Variants in IFITM3 observed in about 807,000 individuals in gnomAD.
The protein encoded by IFITM3 is interferon induced transmembrane protein 3, also known as interferon-induced transmembrane protein 3.
A neutral mutation model predicts 5.2 loss-of-function variants in IFITM3; 5 were observed. That is an observed-to-expected ratio of 0.96 (90% CI 0.50 to 2.03). IFITM3 has a LOEUF of 2.03. Among genes scored for constraint, IFITM3 ranks in the 30% most tolerant of loss-of-function variants. The pLI, the probability that IFITM3 is intolerant of heterozygous loss-of-function variation, is 0.01. For synonymous variants in IFITM3, 81 were observed against 77.6 expected (o/e 1.04, Z -0.23); for missense variants, 156 against 177.3 (o/e 0.88, Z 0.68).
At position 320,322 on chromosome 11, in the gene IFITM3, G is replaced by A; in HGVS notation, c.249+243C>T. On this transcript the variant is annotated intron_variant, in intron 1 of 1. Transcript: ENST00000399808. ...CTGGGCTAGTGGATAGCCGGGGACA[G>A]ACTCTGAGCCAGCCAGCCAGCCTCC... 4.0e-6 allele frequency: 3 copies of A among 757,322 alleles called. No homozygotes were observed. The South Asian group carries it at 4.6e-5, about 12-fold the overall frequency. The allele number at this position is 757,322 out of a possible 1,614,324, so 46.9% of individuals were successfully genotyped here.
Position 319,718 on chromosome 11 carries a change from C to T in IFITM3, c.*120G>A, listed in dbSNP as rs781384761. ...TTTATTGAATGCCATTGTAGAAAAGCGTGTGAGGATAAAGGGCTGATACAG... is the reference window on the plus strand; with the variant it reads ...TTTATTGAATGCCATTGTAGAAAAGTGTGTGAGGATAAAGGGCTGATACAG... On this transcript the variant is annotated 3_prime_UTR_variant, in exon 2 of 2. Transcript: ENST00000399808. The T allele has an allele frequency of 2.5e-5, 32 of 1,264,144 alleles. No individual in the cohort carries two copies. In the South Asian group the frequency reaches 2.6e-4, roughly 10 times the overall value. The allele number at this position is 1,264,144 out of a possible 1,614,324, so 78.3% of individuals were successfully genotyped here. A position where few individuals can be genotyped will look rare whatever the true frequency, so the allele number is the denominator to read the frequency against.
In IFITM3 at chr11:320,837, G is replaced by A. The variant is rs756091356; in HGVS notation, c.-24C>T. 1.3e-5 allele frequency: 21 copies of A among 1,588,530 alleles called. No homozygotes were observed. The highest frequency in any genetic ancestry group is 1.0e-4 in the South Asian group (9 of 89,454). Reference sequence around the variant, plus strand: ...ATGGTGTCCAGCGAAGACCAGCGGCGGTCGGGTTACTGGGATGGTTCTCAG... The same window carrying A: ...ATGGTGTCCAGCGAAGACCAGCGGCAGTCGGGTTACTGGGATGGTTCTCAG... On this transcript the variant is annotated 5_prime_UTR_variant, in exon 1 of 2. Transcript: ENST00000399808.
chr11:319,708 T>A lies in IFITM3; in HGVS notation c.*130A>T. ...ACACGTGCACTTTATTGAATGCCATTGTAGAAAAGCGTGTGAGGATAAAGG... is the reference window on the plus strand; with the variant it reads ...ACACGTGCACTTTATTGAATGCCATAGTAGAAAAGCGTGTGAGGATAAAGG... On this transcript the variant is annotated 3_prime_UTR_variant, in exon 2 of 2. Coordinates refer to ENST00000399808, the MANE Select transcript of IFITM3 (RefSeq NM_021034.3). 8 of 1,194,530 alleles carry A rather than the reference T, an allele frequency of 6.7e-6. No individual in the cohort carries two copies. The highest frequency in any genetic ancestry group is 9.8e-6 in the Non-Finnish European group (8 of 812,964). 74.0% of individuals were successfully genotyped at this position (1,194,530 alleles called of 1,614,324 possible).
In IFITM3 at chr11:319,718, CG is replaced by C. The variant is rs1564851430; in HGVS notation, c.*119del. The C allele has an allele frequency of 7.9e-7, 1 of 1,264,262 alleles. No homozygotes were observed. The highest frequency in any genetic ancestry group is 1.8e-5 in the Admixed American group (1 of 55,036). 78.3% of individuals were successfully genotyped at this position (1,264,262 alleles called of 1,614,324 possible). On this transcript the variant is annotated 3_prime_UTR_variant, in exon 2 of 2. Coordinates refer to ENST00000399808, the MANE Select transcript of IFITM3 (RefSeq NM_021034.3). ...TTTATTGAATGCCATTGTAGAAAAG[CG>C]TGTGAGGATAAAGGGCTGATACAGG...
chr11:320,394 C>T (rs6421983), intron 1 of IFITM3, 171 bp downstream of exon 1: 457,607 of 1,135,366 alleles, frequency 0.4, 102,999 homozygotes, highest in Non-Finnish European at 0.48. Flanking sequence ...CCAAGCCACA[C>T]ACACACACAG....
chr11:319,896 A>C lies in IFITM3; in HGVS notation c.344T>G (p.Ile115Ser). The change falls in exon 2 of 2, where the codon ATC (isoleucine) becomes AGC (serine). Residue 115 changes from isoleucine to serine, a missense_variant. Transcript: ENST00000399808. ...CLNIWALILG[I>S]LMTILLIVIP... Reference sequence around the variant, plus strand: ...GACGATGAGCAGAATGGTCATGAGGATGCCCAGAATCAGGGCCCAGATGTT... The same window carrying C: ...GACGATGAGCAGAATGGTCATGAGGCTGCCCAGAATCAGGGCCCAGATGTT... The C allele has an allele frequency of 3.1e-6, 5 of 1,614,164 alleles. No individual in the cohort carries two copies. Among genetic ancestry groups the C allele is most frequent in the Non-Finnish European group, 4.2e-6 (5 of 1,180,010 alleles).
Position 320,833 on chromosome 11 carries a change from C to G in IFITM3, c.-20G>C. The G allele has an allele frequency of 6.3e-7, 1 of 1,594,342 alleles. No individual in the cohort carries two copies. Among genetic ancestry groups the G allele is most frequent in the Non-Finnish European group, 8.6e-7 (1 of 1,165,528 alleles). ...ATTCATGGTGTCCAGCGAAGACCAG[C>G]GGCGGTCGGGTTACTGGGATGGTTC... On this transcript the variant is annotated 5_prime_UTR_variant, in exon 1 of 2. Transcript: ENST00000399808.
rs1466318843 is a variant in IFITM3 at position 319,686 on chromosome 11, C to G, written c.*152G>C. The G allele has an allele frequency of 3.9e-6, 4 of 1,021,490 alleles. No individual in the cohort carries two copies. Among genetic ancestry groups the G allele is most frequent in the East Asian group, 2.6e-5 (1 of 38,976 alleles). The allele number at this position is 1,021,490 out of a possible 1,614,324, so 63.3% of individuals were successfully genotyped here. Reference sequence around the variant, plus strand: ...TGAAGTCGCAGCAGCACCAGAAACACGTGCACTTTATTGAATGCCATTGTA... The same window carrying G: ...TGAAGTCGCAGCAGCACCAGAAACAGGTGCACTTTATTGAATGCCATTGTA... On this transcript the variant is annotated 3_prime_UTR_variant, in exon 2 of 2. Transcript: ENST00000399808.
Position 319,935 on chromosome 11 carries a change from G to A in IFITM3, c.305C>T (p.Thr102Ile). ...DVTGAQAYASTAKCLNIWALI... is the reference protein window; with the variant it reads ...DVTGAQAYASIAKCLNIWALI... ...GGCCCAGATGTTCAGGCACTTGGCG[G>A]TGGAGGCATAGGCCTGGGCCCCGGT... The change falls in exon 2 of 2, where the codon ACC becomes ATC. Residue 102 changes from threonine to isoleucine, a missense_variant. Physicochemically the swap from Thr to Ile is moderately conservative, Grantham distance 89. Coordinates refer to ENST00000399808, the MANE Select transcript of IFITM3 (RefSeq NM_021034.3). 1.2e-6 allele frequency: 2 copies of A among 1,614,130 alleles called. No homozygotes were observed. The highest frequency in any genetic ancestry group is 1.7e-6 in the Non-Finnish European group (2 of 1,180,012).
At position 320,823 on chromosome 11, in the gene IFITM3, C is replaced by G. The variant is rs544327390; in HGVS notation, c.-10G>C. 1.4e-5 allele frequency: 23 copies of G among 1,599,844 alleles called. No individual in the cohort carries two copies. Among genetic ancestry groups the G allele is most frequent in the South Asian group, 3.3e-5 (3 of 90,516 alleles). On this transcript the variant is annotated 5_prime_UTR_variant, in exon 1 of 2. Transcript: ENST00000399808. Reference sequence around the variant, plus strand: ...GGACAGTGTGATTCATGGTGTCCAGCGAAGACCAGCGGCGGTCGGGTTACT... The same window carrying G: ...GGACAGTGTGATTCATGGTGTCCAGGGAAGACCAGCGGCGGTCGGGTTACT...
chr11:320,179 T>C (rs1389622249), intron 1 of IFITM3, 189 bp from the exon 2 acceptor site: 1 of 733,652 alleles, frequency 1.4e-6, no homozygotes, highest in East Asian at 2.7e-5. Context: ...GCACAGGCTG[T>C]TCTCCCCACC....
chr11:319,981 T>G lies in IFITM3; in HGVS notation c.259A>C (p.Arg87=). Residue 87 remains arginine (R), a synonymous_variant, in exon 2 of 2, where the codon AGG becomes CGG. Transcript: ENST00000399808. ...CCGGTCACGTCGCCAACCATCTTCC[T>G]GTCCCTAGACTGGGGGAGAGGAGAT... ...AFAYSVKSRD[R]KMVGDVTGAQ... 2 of 1,613,716 alleles carry G rather than the reference T, an allele frequency of 1.2e-6. No homozygotes were observed. The highest frequency in any genetic ancestry group is 8.5e-7 in the Non-Finnish European group (1 of 1,179,960).
At position 319,749 on chromosome 11, in the gene IFITM3, G is replaced by C. The variant is rs1231518817; in HGVS notation, c.*89C>G. 1.3e-6 allele frequency: 2 copies of C among 1,553,594 alleles called. No homozygotes were observed. Among genetic ancestry groups the C allele is most frequent in the Admixed American group, 1.7e-5 (1 of 59,498 alleles). On this transcript the variant is annotated 3_prime_UTR_variant, in exon 2 of 2. Transcript: ENST00000399808. ...AGGATAAAGGGCTGATACAGGACTC[G>C]GCTCCGGGGGCAGGGCGAGGAATGG...
At position 320,604 on chromosome 11, in the gene IFITM3, G is replaced by A. The variant is rs759705048; in HGVS notation, c.210C>T (p.Pro70=). ...WSLFNTLFMN[P]CCLGFIAFAY... The stretch of plus-strand genomic sequence containing the variant: ...CGAATGCTATGAAGCCCAGGCAGCA[G>A]GGGTTCATGAAGAGGGTGTTGAACA... Residue 70 remains proline (P), a synonymous_variant, in exon 1 of 2, where the codon CCC becomes CCT. Transcript: ENST00000399808. The A allele has an allele frequency of 1.7e-5, 27 of 1,613,910 alleles. No homozygotes were observed. Among genetic ancestry groups the A allele is most frequent in the Non-Finnish European group, 2.0e-5 (24 of 1,179,860 alleles).
rs747172140 is a variant in IFITM3 at position 319,704 on chromosome 11, C to A, written c.*134G>T. The A allele has an allele frequency of 1.5e-5, 17 of 1,157,502 alleles. No homozygotes were observed. The highest frequency in any genetic ancestry group is 1.9e-5 in the Admixed American group (1 of 52,284). The allele number at this position is 1,157,502 out of a possible 1,614,324, so 71.7% of individuals were successfully genotyped here. On this transcript the variant is annotated 3_prime_UTR_variant, in exon 2 of 2. Coordinates refer to ENST00000399808, the MANE Select transcript of IFITM3 (RefSeq NM_021034.3). ...AGAAACACGTGCACTTTATTGAATG[C>A]CATTGTAGAAAAGCGTGTGAGGATA... is the stretch of plus-strand genomic sequence containing the variant.
At position 320,640 on chromosome 11, in the gene IFITM3, G is replaced by A. The variant is rs769978802; in HGVS notation, c.174C>T (p.Val58=). The A allele has an allele frequency of 4.6e-5, 75 of 1,613,804 alleles. No homozygotes were observed. Among genetic ancestry groups the A allele is most frequent in the African/African-American group, 3.1e-4 (23 of 74,908 alleles). ...IRSETSVPDH[V]VWSLFNTLFM... ...AGAGGGTGTTGAACAGGGACCAGAC[G>A]ACATGGTCGGGCACGGAGGTCTCGC... Residue 58 remains valine, a synonymous_variant, in exon 1 of 2, where the codon GTC becomes GTT. Coordinates refer to ENST00000399808, the MANE Select transcript of IFITM3 (RefSeq NM_021034.3).
rs542387614 is a variant in IFITM3 at position 320,691 on chromosome 11, C to T, written c.123G>A (p.Pro41=). Residue 41 remains proline, a synonymous_variant, in exon 1 of 2, where the codon CCG becomes CCA. Transcript: ENST00000399808. ...VLGAPHNPAP[P]TSTVIHIRSE... is the part of the protein sequence containing the mutation. Reference sequence around the variant, plus strand: ...TGCGGATGTGGATCACGGTGGACGTCGGGGGAGCAGGGTTGTGGGGCGCCC... The same window carrying T: ...TGCGGATGTGGATCACGGTGGACGTTGGGGGAGCAGGGTTGTGGGGCGCCC... 13 of 1,613,828 alleles carry T rather than the reference C, an allele frequency of 8.1e-6. No individual in the cohort carries two copies. Among genetic ancestry groups the T allele is most frequent in the South Asian group, 6.6e-5 (6 of 91,068 alleles).
chr11:319,735 CT>C lies in IFITM3; in HGVS notation c.*102del. On this transcript the variant is annotated 3_prime_UTR_variant, in exon 2 of 2. Coordinates refer to ENST00000399808, the MANE Select transcript of IFITM3 (RefSeq NM_021034.3). ...TAGAAAAGCGTGTGAGGATAAAGGG[CT>C]GATACAGGACTCGGCTCCGGGGGCA... is the stretch of plus-strand genomic sequence containing the variant. 1 of 1,438,972 alleles carries C rather than the reference CT, an allele frequency of 6.9e-7. No individual in the cohort carries two copies. Among genetic ancestry groups the C allele is most frequent in the South Asian group, 1.2e-5 (1 of 86,322 alleles). The allele number at this position is 1,438,972 out of a possible 1,614,324, so 89.1% of individuals were successfully genotyped here.
At position 319,857 on chromosome 11, in the gene IFITM3, A is replaced by T; in HGVS notation, c.383T>A (p.Ile128Asn). The T allele has an allele frequency of 6.2e-7, 1 of 1,614,176 alleles. No homozygotes were observed. The highest frequency in any genetic ancestry group is 8.5e-7 in the Non-Finnish European group (1 of 1,180,012). ...CCTGATCTATCCATAGGCCTGGAAGATCAGCACTGGGATGACGATGAGCAG... is the reference window on the plus strand; with the variant it reads ...CCTGATCTATCCATAGGCCTGGAAGTTCAGCACTGGGATGACGATGAGCAG... ...TILLIVIPVL[I>N]FQAYG Residue 128 changes from isoleucine to asparagine, a missense_variant, in exon 2 of 2, where the codon ATC becomes AAC. By Grantham distance (149) the Ile-to-Asn change is moderately radical. Coordinates refer to ENST00000399808, the MANE Select transcript of IFITM3 (RefSeq NM_021034.3).
Sources: gnomAD v4.1 joint callset for allele counts on GRCh38, gnomAD v4.1.1 for gene constraint, MANE v1.5 for transcripts, NCBI Gene and HGNC (gene_info 2026-07-23, HGNC 2026-07-21) for gene names.